The following MAST2 variants were observed in gnomAD, a reference collection of about 807,000 sequenced individuals.
MAST2 encodes microtubule-associated serine/threonine-protein kinase 2.
In MAST2, 70 loss-of-function variants were observed where a neutral mutation model predicts 147.4. That is an observed-to-expected ratio of 0.47 (90% confidence interval 0.39 to 0.58). MAST2 has a LOEUF of 0.58. Ranked by LOEUF, MAST2 falls within the 20% of genes least tolerant of loss-of-function variation. The probability of loss-of-function intolerance (pLI) is 0.00; values close to 1 mark genes in which losing one functional copy is unlikely to be tolerated. For missense variants in MAST2, 2,080 were observed against 2,302.3 expected (o/e 0.90, Z 1.98); for synonymous variants, 869 against 896.8 (o/e 0.97, Z 0.55).
At chr1:45,902,510 A>G (rs1160563704) in intron 4 of MAST2, among the ~76,000 whole-genome samples, 1 of 152,022 alleles carries the variant, frequency 6.6e-6, no homozygotes, top group African/African-American at 2.4e-5. Context: ...GCTAGGGAAG[A>G]ATCCCTCATA....
intron 15 of MAST2, among the ~76,000 whole-genome samples, chr1:46,025,216 G>A (rs1646354878): frequency 6.6e-6 from 1 of 152,202 alleles, no homozygotes; most frequent in African/African-American, 2.4e-5. Flanking sequence ...CTACTCGGGA[G>A]GCTGAGGCAG....
At chr1:45,911,867 AT>A (rs369585389) in intron 4 of MAST2, among the ~76,000 whole-genome samples, 1 of 97,246 alleles carries the variant, frequency 1.0e-5, no homozygotes, top group African/African-American at 3.0e-5. Flanking sequence ...TATTATTATT[AT>A]TATTATTATT....
intron 1 of MAST2, among the ~76,000 whole-genome samples, chr1:45,816,970 C>T (rs1348718226): frequency 6.6e-6 from 1 of 152,134 alleles, no homozygotes; most frequent in African/African-American, 2.4e-5. Context: ...AGCCACAGTG[C>T]CTGGCCCCAG....
At chr1:45,827,807 A>G (rs1644837962) in intron 2 of MAST2, among the ~76,000 whole-genome samples, 1 of 152,178 alleles carries the variant, frequency 6.6e-6, no homozygotes, top group African/African-American at 2.4e-5. Context: ...AACATGCATT[A>G]TGTCAAAGTG....
intron 4 of MAST2, among the ~76,000 whole-genome samples, chr1:45,900,861 T>C (rs915687254): frequency 6.6e-5 from 10 of 152,206 alleles, no homozygotes; most frequent in African/African-American, 2.4e-4. Flanking sequence ...TATTTGTTTT[T>C]TTCTTACGAT....
In MAST2 at chr1:45,879,843, A is replaced by T. The variant is rs149725509; in HGVS notation, c.469-2521A>T. Among the ~76,000 whole-genome samples, 289 of 152,352 alleles carry T rather than the reference A, an allele frequency of 1.9e-3. 1 individual carries two copies. The highest frequency in any genetic ancestry group is 6.9e-3 in the African/African-American group (285 of 41,592). On this transcript the variant is annotated intron_variant, in intron 3 of 28. Coordinates refer to ENST00000361297, the MANE Select transcript of MAST2 (RefSeq NM_015112.3). ...GGAAAATGATTAAAGCCACAATGAG[A>T]TACCCGTACACACCTAAATGGCTAA...
intron 1 of MAST2, among the ~76,000 whole-genome samples, chr1:45,809,925 C>A (rs1029392459): frequency 1.3e-5 from 2 of 152,146 alleles, no homozygotes; most frequent in Non-Finnish European, 2.9e-5. Flanking sequence ...TGATCCATTC[C>A]TGGTCATATA....
At chr1:45,831,602 A>G (rs1428372269) in intron 3 of MAST2, among the ~76,000 whole-genome samples, 2 of 152,076 alleles carry the variant, frequency 1.3e-5, no homozygotes, top group African/African-American at 4.8e-5. Flanking sequence ...TAGACTGACT[A>G]ATTTGTACAT....
intron 4 of MAST2, among the ~76,000 whole-genome samples, chr1:45,898,937 T>G (rs576493649): frequency 1.3e-5 from 2 of 152,336 alleles, no homozygotes; most frequent in Non-Finnish European, 1.5e-5. Flanking sequence ...ATGCTCCATA[T>G]GGGCATTCTT....
At chr1:45,954,586 C>A (rs1473951599) in intron 4 of MAST2, among the ~76,000 whole-genome samples, 1 of 152,150 alleles carries the variant, frequency 6.6e-6, no homozygotes, top group Non-Finnish European at 1.5e-5. Flanking sequence ...CTGCAGATAT[C>A]CAGTACTTCA....
chr1:46,011,414 A>T (rs1252094510), intron 10 of MAST2, among the ~76,000 whole-genome samples: 1 of 152,134 alleles, frequency 6.6e-6, no homozygotes, highest in African/African-American at 2.4e-5. Context: ...GTTGGGACTT[A>T]CATGTTTTGA....
At chr1:45,915,649 G>T (rs907568909) in intron 4 of MAST2, among the ~76,000 whole-genome samples, 1 of 150,356 alleles carries the variant, frequency 6.7e-6, no homozygotes, top group Admixed American at 6.7e-5. Flanking sequence ...GGCGGAACTT[G>T]CAGTGAGCCG....
At chr1:45,983,414 T>C (rs2149071605) in intron 5 of MAST2, among the ~76,000 whole-genome samples, 1 of 152,286 alleles carries the variant, frequency 6.6e-6, no homozygotes, top group Non-Finnish European at 1.5e-5. Flanking sequence ...TCACTTTTCA[T>C]TTGGCTTATC....
At chr1:45,808,672 C>T (rs956950398) in intron 1 of MAST2, among the ~76,000 whole-genome samples, 2 of 152,162 alleles carry the variant, frequency 1.3e-5, no homozygotes, top group African/African-American at 2.4e-5. Context: ...AGTATCTTAA[C>T]TGTATTTACT....
chr1:46,030,397 G>A, intron 21 of MAST2, 159 bp downstream of exon 21: 1 of 828,706 alleles, frequency 1.2e-6, no homozygotes, highest in Non-Finnish European at 1.9e-6. Context: ...GCTATATATA[G>A]GTGCTTCTAG....
intron 5 of MAST2, among the ~76,000 whole-genome samples, chr1:45,979,241 A>G (rs941584715): frequency 6.6e-5 from 10 of 152,188 alleles, no homozygotes; most frequent in African/African-American, 2.4e-4. Context: ...TTCCTTTATA[A>G]CTAGTTAAAC....
At chr1:45,935,636 T>G (rs1656080260) in intron 4 of MAST2, among the ~76,000 whole-genome samples, 1 of 152,256 alleles carries the variant, frequency 6.6e-6, no homozygotes, top group Admixed American at 6.5e-5. Context: ...CAGCACCATT[T>G]ATTGAATAGG....
At chr1:45,856,822 A>T (rs1476570306) in intron 3 of MAST2, among the ~76,000 whole-genome samples, 1 of 151,604 alleles carries the variant, frequency 6.6e-6, no homozygotes, top group Admixed American at 6.6e-5. Flanking sequence ...TTGAATGTAT[A>T]TGTCATGAGG....
intron 4 of MAST2, among the ~76,000 whole-genome samples, chr1:45,931,377 GTTT>G: frequency 9.9e-6 from 1 of 101,206 alleles, no homozygotes; most frequent in East Asian, 3.2e-4. Flanking sequence ...ATTGTGTTCT[GTTT>G]TTTTTTTTTT....
Sources: gnomAD v4.1 joint callset for allele counts (sites outside exome capture counted in the v4.1 genomes callset) on GRCh38, gnomAD v4.1.1 for gene constraint, MANE v1.5 for transcripts, NCBI Gene and HGNC (gene_info 2026-07-23, HGNC 2026-07-21) for gene names.